The following SOD2 variants were observed in gnomAD, a reference collection of about 807,000 sequenced individuals.
SOD2 encodes superoxide dismutase 2.
Under a neutral mutation model 27.0 loss-of-function variants are expected in SOD2, and 11 were observed. The ratio of observed to expected loss-of-function variants is 0.41; its 90% CI spans 0.26 to 0.67. The LOEUF is 0.67. Ranked by LOEUF, SOD2 falls within the 30% of genes least tolerant of loss-of-function variation. The probability of loss-of-function intolerance (pLI) is 0.34; values close to 1 mark genes in which losing one functional copy is unlikely to be tolerated. For missense variants in SOD2, 250 were observed against 274.5 expected (o/e 0.91, Z 0.63); for synonymous variants, 105 against 103.0 (o/e 1.02, Z -0.12).
At chr6:159,757,473 C>T (rs1364179432) in intron 1 of SOD2, among the ~76,000 whole-genome samples, 1 of 150,016 alleles carries the variant, frequency 6.7e-6, no homozygotes, top group Admixed American at 6.7e-5. Context: ...AGTGCAGTGG[C>T]ACCATCGTGG....
At chr6:159,758,909 G>T (rs1196713786) in intron 1 of SOD2, among the ~76,000 whole-genome samples, 1 of 152,080 alleles carries the variant, frequency 6.6e-6, no homozygotes, top group African/African-American at 2.4e-5. Flanking sequence ...TGCTGAGAAG[G>T]CCCCTTCAGG....
chr6:159,727,720 T>C, upstream of SOD2: 1 of 984,970 alleles, frequency 1.0e-6, no homozygotes, highest in Non-Finnish European at 1.2e-6. Context: ...GCGGGCCGGC[T>C]GGCGGGAGCG....
intron 1 of SOD2, among the ~76,000 whole-genome samples, chr6:159,707,437 C>T (rs1480314360): frequency 1.3e-5 from 2 of 152,114 alleles, no homozygotes; most frequent in African/African-American, 4.8e-5. Flanking sequence ...AAGGAGATAT[C>T]ACCACCGATC....
chr6:159,708,701 A>G (rs998439161), intron 1 of SOD2, among the ~76,000 whole-genome samples: 15 of 152,202 alleles, frequency 9.9e-5, no homozygotes, highest in African/African-American at 3.6e-4. Flanking sequence ...TGCCCAAGGT[A>G]ATTTCTACAT....
chr6:159,736,370 A>G (rs1043721638), intron 1 of SOD2: 3 of 1,170,718 alleles, frequency 2.6e-6, no homozygotes, highest in Non-Finnish European at 3.8e-6. Context: ...TTTAAAAAAA[A>G]ATAGACTTGA....
At chr6:159,758,760 G>A (rs1409053225) in intron 1 of SOD2, among the ~76,000 whole-genome samples, 1 of 152,204 alleles carries the variant, frequency 6.6e-6, no homozygotes, top group Admixed American at 6.5e-5. Context: ...GTGATTCACT[G>A]TTCCCCTCAT....
rs145029989 is a variant in SOD2, at chr6:159,679,789, G to C, written c.*2704C>G. 1 of 152,282 alleles carries C rather than the reference G, an allele frequency of 6.6e-6. No individual in the cohort carries two copies. The highest frequency in any genetic ancestry group is 2.4e-5 in the African/African-American group (1 of 41,554). 9.4% of individuals were successfully genotyped at this position (152,282 alleles called of 1,614,324 possible). A position where few individuals can be genotyped will look rare whatever the true frequency, so the allele number is the denominator to read the frequency against. ...TTCTATTTCTATTATGAAAAACAGA[G>C]CTAAACAATTTTTGTATTTTTAGTA... On this transcript the variant is annotated 3_prime_UTR_variant, in exon 5 of 5. Transcript: ENST00000538183.
At chr6:159,723,728 C>T (rs1778085325) in intron 1 of SOD2, among the ~76,000 whole-genome samples, 1 of 151,290 alleles carries the variant, frequency 6.6e-6, no homozygotes, top group Non-Finnish European at 1.5e-5. Flanking sequence ...GCTTCTAGGC[C>T]CTTTCAGTCC....
At position 159,713,961 on chromosome 6, in the gene SOD2, C is replaced by T. The variant is rs566500402; in HGVS notation, c.-116+13168G>A. 538 of 826,186 alleles carry T rather than the reference C, an allele frequency of 6.5e-4. 1 individual carries two copies. The highest frequency in any genetic ancestry group is 9.0e-4 in the Non-Finnish European group (464 of 517,430). The allele number at this position is 826,186 out of a possible 1,614,324, so 51.2% of individuals were successfully genotyped here. ...AGGCCCTGGACCTTCACCACGAACC[C>T]CTCCCTGCCTTCCGTGCTCAGCATC... On this transcript the variant is annotated intron_variant, in intron 1 of 2. Transcript: ENST00000401980.
chr6:159,702,841 C>T (rs865845955), intron 1 of SOD2, among the ~76,000 whole-genome samples: 1 of 95,654 alleles, frequency 1.0e-5, no homozygotes. Flanking sequence ...CAGAGCAAGA[C>T]CCTATCTCGA....
At chr6:159,752,597 G>A (rs1331495176) in intron 1 of SOD2, among the ~76,000 whole-genome samples, 6 of 152,070 alleles carry the variant, frequency 3.9e-5, no homozygotes, top group East Asian at 1.9e-4. Context: ...ATTGTGATAC[G>A]TGACCACTGG....
intron 1 of SOD2, among the ~76,000 whole-genome samples, chr6:159,732,651 A>G (rs1043192487): frequency 6.6e-6 from 1 of 152,150 alleles, no homozygotes; most frequent in African/African-American, 2.4e-5. Flanking sequence ...CCTGGTCAAC[A>G]TGGTGAAACT....
chr6:159,692,594 A>G (rs752509095), intron 2 of SOD2, 67 bp downstream of exon 2: 10 of 1,598,668 alleles, frequency 6.3e-6, no homozygotes, highest in Non-Finnish European at 8.5e-6. Flanking sequence ...GCCCGTCCGT[A>G]TGGGGCCTGG....
chr6:159,723,620 C>T (rs150874169), intron 1 of SOD2, among the ~76,000 whole-genome samples: 26 of 152,322 alleles, frequency 1.7e-4, no homozygotes, highest in African/African-American at 6.3e-4. Context: ...CCTATACATC[C>T]TGGTTCAGCC....
At chr6:159,740,414 C>G (rs1319948456) in intron 1 of SOD2, among the ~76,000 whole-genome samples, 1 of 152,058 alleles carries the variant, frequency 6.6e-6, no homozygotes, top group Non-Finnish European at 1.5e-5. Context: ...CTCTTTGATT[C>G]CCTTGGAGAT....
chr6:159,709,119 G>C (rs1027951097), intron 1 of SOD2, among the ~76,000 whole-genome samples: 2 of 152,146 alleles, frequency 1.3e-5, no homozygotes, highest in African/African-American at 4.8e-5. Flanking sequence ...ATTAATTCAA[G>C]ATGGATTAAA....
intron 2 of SOD2, among the ~76,000 whole-genome samples, chr6:159,690,021 C>T (rs1231842893): frequency 6.6e-6 from 1 of 151,694 alleles, no homozygotes; most frequent in Non-Finnish European, 1.5e-5. Flanking sequence ...AGGTGGCTCA[C>T]GCCTGTAATC....
chr6:159,713,839 G>C, intron 1 of SOD2: 1 of 1,103,056 alleles, frequency 9.1e-7, no homozygotes, highest in Non-Finnish European at 1.4e-6. Context: ...CACTTGGTCT[G>C]CCTTCTCCGG....
At chr6:159,739,759 C>T (rs2114911705) in intron 1 of SOD2, among the ~76,000 whole-genome samples, 1 of 148,652 alleles carries the variant, frequency 6.7e-6, no homozygotes, top group Non-Finnish European at 1.5e-5. Context: ...TTGTTGTTTC[C>T]TAGAGTGTGA....
Sources: gnomAD v4.1 joint callset for allele counts (sites outside exome capture counted in the v4.1 genomes callset) on GRCh38, gnomAD v4.1.1 for gene constraint, MANE v1.5 for transcripts, NCBI Gene and HGNC (gene_info 2026-07-23, HGNC 2026-07-21) for gene names.